The following STK39 variants were observed in gnomAD, a reference collection of about 807,000 sequenced individuals.
STK39 encodes STE20/SPS1-related proline-alanine-rich protein kinase.
A neutral mutation model predicts 77.8 loss-of-function variants in STK39; 20 were observed. That is an observed-to-expected ratio of 0.26 (90% confidence interval 0.18 to 0.37). STK39 has a LOEUF of 0.37. STK39 is among the 10% of genes least tolerant of loss of function. The pLI, the probability that STK39 is intolerant of heterozygous loss-of-function variation, is 1.00. For missense variants in STK39, 479 were observed against 656.5 expected (o/e 0.73, Z 2.95); for synonymous variants, 246 against 234.1 (o/e 1.05, Z -0.47).
intron 1 of STK39, among the ~76,000 whole-genome samples, chr2:168,206,017 C>A (rs1293096641): frequency 6.6e-6 from 1 of 152,142 alleles, no homozygotes; most frequent in Non-Finnish European, 1.5e-5. Context: ...TCCCTTTAAA[C>A]AGATTTTCAA....
intron 16 of STK39, among the ~76,000 whole-genome samples, chr2:167,982,245 C>T (rs140657171): frequency 7.2e-5 from 11 of 152,220 alleles, no homozygotes; most frequent in Admixed American, 2.6e-4. Flanking sequence ...CATTAAACCC[C>T]TCTGACACCA....
intron 14 of STK39, among the ~76,000 whole-genome samples, chr2:168,042,003 T>C (rs1233715118): frequency 1.3e-5 from 2 of 152,210 alleles, no homozygotes; most frequent in Admixed American, 1.3e-4. Flanking sequence ...TGCCTCGCTA[T>C]ATAATCTTTT....
intron 1 of STK39, among the ~76,000 whole-genome samples, chr2:168,189,632 T>G (rs994483440): frequency 1.1e-4 from 17 of 152,198 alleles, no homozygotes; most frequent in Non-Finnish European, 1.5e-5. Context: ...AGACTCTAAT[T>G]TCCATCTAAT....
At chr2:168,017,654 TG>T (rs1559058829) in intron 14 of STK39, among the ~76,000 whole-genome samples, 2 of 152,140 alleles carry the variant, frequency 1.3e-5, no homozygotes, top group African/African-American at 4.8e-5. Context: ...ATTACAGGCA[TG>T]AGCCACCACA....
intron 10 of STK39, among the ~76,000 whole-genome samples, chr2:168,112,495 C>T (rs1364348986): frequency 6.6e-6 from 1 of 152,082 alleles, no homozygotes; most frequent in East Asian, 1.9e-4. Context: ...CTCCTGCTGC[C>T]ATGTAAGATG....
intron 10 of STK39, among the ~76,000 whole-genome samples, chr2:168,090,609 C>T (rs769083836): frequency 6.6e-6 from 1 of 152,212 alleles, no homozygotes; most frequent in Non-Finnish European, 1.5e-5. Flanking sequence ...ACAGACACTA[C>T]TAGTGCACAA....
intron 1 of STK39, among the ~76,000 whole-genome samples, chr2:168,227,872 T>C (rs1690347752): frequency 6.6e-6 from 1 of 152,092 alleles, no homozygotes; most frequent in Admixed American, 6.6e-5. Flanking sequence ...TTAGCCAGGA[T>C]GGTCTTGATC....
chr2:168,239,306 C>A (rs550424636), intron 1 of STK39, among the ~76,000 whole-genome samples: 2 of 152,296 alleles, frequency 1.3e-5, no homozygotes, highest in East Asian at 3.9e-4. Context: ...TTTTGAAGGG[C>A]AGTGTGGGAC....
intron 2 of STK39, among the ~76,000 whole-genome samples, chr2:168,174,350 C>G (rs1688903230): frequency 6.6e-6 from 1 of 152,104 alleles, no homozygotes; most frequent in Non-Finnish European, 1.5e-5. Flanking sequence ...GGCCTACTTG[C>G]TTCGTTATAA....
rs201669107 is a variant in STK39, at chr2:168,075,097, G to A, written c.1212+12C>T. ...TTACACAGATTAGCTCATCGTCAAC[G>A]ATGTCATTTACCTTTTCCTGAGAAA... On this transcript the variant is annotated intron_variant, in intron 11 of 17. Transcript: ENST00000355999. The A allele has an allele frequency of 5.3e-5, 85 of 1,613,946 alleles. No homozygotes were observed. The highest frequency in any genetic ancestry group is 7.0e-5 in the Non-Finnish European group (83 of 1,180,022).
chr2:168,183,025 C>T lies in STK39; in HGVS notation c.209-935G>A, dbSNP rs376198635. On this transcript the variant is annotated intron_variant, in intron 1 of 17. Coordinates refer to ENST00000355999, the MANE Select transcript of STK39 (RefSeq NM_013233.3). ...TCTCAAATGATTCATCAAATAGCAT[C>T]ATAAAAGGGAAAGCAGGGGAGTATT... Among the ~76,000 whole-genome samples, 8 of 152,294 alleles carry T rather than the reference C, an allele frequency of 5.3e-5. No homozygotes were observed. In the East Asian group the frequency reaches 9.6e-4, roughly 18 times the overall value.
rs185349772 is a variant in STK39 at position 168,232,433 on chromosome 2, A to T, written c.208+14795T>A. 1.1e-4 allele frequency among the ~76,000 whole-genome samples: 16 copies of T among 152,354 alleles called. 1 individual carries two copies. In the East Asian group the frequency reaches 3.1e-3, roughly 29 times the overall value. ...GACAAGGAAATATTTAATTTTAAAC[A>T]ACTACATATGGCTAAAAATAATTTC... On this transcript the variant is annotated intron_variant, in intron 1 of 17. Transcript: ENST00000355999.
chr2:168,246,675 C>T (rs1690913091), intron 1 of STK39, among the ~76,000 whole-genome samples: 1 of 152,188 alleles, frequency 6.6e-6, no homozygotes, highest in Non-Finnish European at 1.5e-5. Context: ...GCATCCTCCC[C>T]GGCCTCAGAA....
intron 1 of STK39, among the ~76,000 whole-genome samples, chr2:168,243,029 AAAC>A (rs2105283765): frequency 6.6e-6 from 1 of 152,346 alleles, no homozygotes; most frequent in African/African-American, 2.4e-5. Context: ...AGTATTTTAA[AAAC>A]AACAACAAAC....
intron 1 of STK39, among the ~76,000 whole-genome samples, chr2:168,239,984 CA>C (rs1266863057): frequency 6.6e-6 from 1 of 152,060 alleles, no homozygotes; most frequent in African/African-American, 2.4e-5. Context: ...GAACATGCAC[CA>C]AGATATACAT....
chr2:168,011,761 C>T (rs1271095072), intron 16 of STK39, among the ~76,000 whole-genome samples: 2 of 152,058 alleles, frequency 1.3e-5, no homozygotes, highest in African/African-American at 2.4e-5. Flanking sequence ...GTAGAAAGAC[C>T]CACAGTTTCA....
Position 168,057,483 on chromosome 2 carries a change from G to A in STK39, c.1376+6017C>T, listed in dbSNP as rs568864786. 1.9e-3 allele frequency among the ~76,000 whole-genome samples: 294 copies of A among 152,258 alleles called. 1 individual carries two copies. Among genetic ancestry groups the A allele is most frequent in the Non-Finnish European group, 3.1e-3 (211 of 68,004 alleles). On this transcript the variant is annotated intron_variant, in intron 14 of 17. Coordinates refer to ENST00000355999, the MANE Select transcript of STK39 (RefSeq NM_013233.3). ...GCTGCAATTATAGGCGTGAGCCACCGCGCCTGGCCCTCTATGAATGTTTTT... is the reference window on the plus strand; with the variant it reads ...GCTGCAATTATAGGCGTGAGCCACCACGCCTGGCCCTCTATGAATGTTTTT...
At chr2:168,150,703 A>G (rs1246251194) in intron 5 of STK39, among the ~76,000 whole-genome samples, 1 of 151,790 alleles carries the variant, frequency 6.6e-6, no homozygotes, top group Non-Finnish European at 1.5e-5. Flanking sequence ...CAATAACCAC[A>G]TTACCTTTGC....
At chr2:168,134,439 T>C (rs1687779622) in intron 8 of STK39, among the ~76,000 whole-genome samples, 2 of 146,678 alleles carry the variant, frequency 1.4e-5, no homozygotes, top group Non-Finnish European at 3.0e-5. Context: ...CCCACACCAC[T>C]CCCCACAAAA....
Sources: gnomAD v4.1 joint callset for allele counts (sites outside exome capture counted in the v4.1 genomes callset) on GRCh38, gnomAD v4.1.1 for gene constraint, MANE v1.5 for transcripts, NCBI Gene and HGNC (gene_info 2026-07-23, HGNC 2026-07-21) for gene names.